The following ADAM28 variants were observed in gnomAD, a reference collection of about 807,000 sequenced individuals.
ADAM28 encodes the protein ADAM metallopeptidase domain 28.
In ADAM28, 105 loss-of-function variants were observed where a neutral mutation model predicts 101.2. The observed-to-expected ratio is 1.04, with a 90% CI of 0.89 to 1.22. The LOEUF (loss-of-function observed/expected upper bound fraction) is 1.22, where lower values mean the gene tolerates loss of function less well. Among genes scored for constraint, ADAM28 ranks in the 50% most tolerant of loss-of-function variants. The probability of loss-of-function intolerance (pLI) is 0.00; values close to 1 mark genes in which losing one functional copy is unlikely to be tolerated. For missense variants in ADAM28, 1,028 were observed against 945.4 expected (o/e 1.09, Z -1.15); for synonymous variants, 322 against 310.6 (o/e 1.04, Z -0.39).
intron 16 of ADAM28, 115 bp from the exon 17 acceptor site, chr8:24,342,986 C>T: frequency 2.4e-5 from 36 of 1,507,534 alleles, no homozygotes; most frequent in Non-Finnish European, 3.2e-5. Flanking sequence ...TCTTCTACAT[C>T]AGCCTCCTGG....
chr8:24,342,951 C>T, intron 16 of ADAM28, 150 bp from the exon 17 acceptor site: 1 of 1,378,280 alleles, frequency 7.3e-7, no homozygotes, highest in Middle Eastern at 1.9e-4. Flanking sequence ...ATAATGTAAG[C>T]AACAGAGCCC....
chr8:24,311,939 A>G (rs1228668241), intron 5 of ADAM28, among the ~76,000 whole-genome samples: 1 of 152,056 alleles, frequency 6.6e-6, no homozygotes. Context: ...GAATTTCACC[A>G]TATTGGCCAG....
In ADAM28 at chr8:24,357,350, A is replaced by G. The variant is rs1816749594; in HGVS notation, c.*2946A>G. On this transcript the variant is annotated 3_prime_UTR_variant, in exon 23 of 23. Transcript: ENST00000265769. ...ACATTTTCTATTAGTCTGTTTTCAC[A>G]TGGCTATAAAGAATACCACCTGAGA... The G allele has an allele frequency of 6.6e-6, 1 of 152,234 alleles. No homozygotes were observed. Among genetic ancestry groups the G allele is most frequent in the East Asian group, 1.9e-4 (1 of 5,196 alleles). The allele number at this position is 152,234 out of a possible 1,614,324, so 9.4% of individuals were successfully genotyped here. A position where few individuals can be genotyped will look rare whatever the true frequency, so the allele number is the denominator to read the frequency against.
At chr8:24,335,059 C>G (rs1352595773) in intron 13 of ADAM28, among the ~76,000 whole-genome samples, 4 of 152,142 alleles carry the variant, frequency 2.6e-5, no homozygotes, top group African/African-American at 9.7e-5. Flanking sequence ...ATCCAATTCA[C>G]CAGTAAATCT....
Position 24,326,471 on chromosome 8 carries a change from C to A in ADAM28, c.891-83C>A. On this transcript the variant is annotated intron_variant, in intron 9 of 22. Coordinates refer to ENST00000265769, the MANE Select transcript of ADAM28 (RefSeq NM_014265.6). ...GGTTCACAGTGAGTTTTTCTGCTAA[C>A]CATTTAGGGTTTTGGATGTATTGTC... The A allele has an allele frequency of 3.9e-6, 5 of 1,295,778 alleles. No homozygotes were observed. In the Middle Eastern group the frequency reaches 9.6e-4, roughly 248 times the overall value. 80.3% of individuals were successfully genotyped at this position (1,295,778 alleles called of 1,614,324 possible).
Position 24,343,160 on chromosome 8 carries a change from A to T in ADAM28, c.1890A>T (p.Ser630=). 2 of 1,613,880 alleles carry T rather than the reference A, an allele frequency of 1.2e-6. No individual in the cohort carries two copies. The highest frequency in any genetic ancestry group is 2.2e-5 in the South Asian group (2 of 91,078). ...IEKAYKSTNC[S]SKCKGHAVCD... is the part of the protein sequence containing the mutation. ...AAGCCTACAAATCAACCAATTGCTC[A>T]TCTAAGTGCAAAGGACATGCTGTAA... is the stretch of plus-strand genomic sequence containing the variant. The change falls in exon 17 of 23, where the codon TCA becomes TCT. Residue 630 remains serine, a synonymous_variant. Transcript: ENST00000265769.
chr8:24,342,159 T>TA (rs1300047768), intron 16 of ADAM28, among the ~76,000 whole-genome samples: 2 of 152,174 alleles, frequency 1.3e-5, no homozygotes, highest in Non-Finnish European at 2.9e-5. Flanking sequence ...ATATCATTAA[T>TA]AATATAATGA....
intron 2 of ADAM28, among the ~76,000 whole-genome samples, chr8:24,305,055 A>C (rs1809381700): frequency 6.6e-6 from 1 of 151,652 alleles, no homozygotes; most frequent in African/African-American, 2.4e-5. Context: ...TCTTTTCGAC[A>C]TAAATTATCA....
chr8:24,343,270 T>C, intron 17 of ADAM28, 89 bp downstream of exon 17: 1 of 1,466,376 alleles, frequency 6.8e-7, no homozygotes, highest in Non-Finnish European at 9.5e-7. Context: ...TATTTTCAGC[T>C]TTAAATGATG....
intron 7 of ADAM28, 112 bp from the exon 8 acceptor site, chr8:24,321,103 TAAC>T (rs1811814308): frequency 1.6e-6 from 1 of 626,562 alleles, no homozygotes; most frequent in Admixed American, 3.0e-5. Context: ...TTAAATCTAA[TAAC>T]TAATCTTTAA....
In ADAM28 at chr8:24,294,102, C is replaced by T; in HGVS notation, c.-48C>T. On this transcript the variant is annotated 5_prime_UTR_variant, in exon 1 of 23. Coordinates refer to ENST00000265769, the MANE Select transcript of ADAM28 (RefSeq NM_014265.6). Reference sequence around the variant, plus strand: ...GGAGGCAGGGACAGACCCAGCAGCACCCACCTGAGCGAGAAGAGCAGACAC... The same window carrying T: ...GGAGGCAGGGACAGACCCAGCAGCATCCACCTGAGCGAGAAGAGCAGACAC... 1 of 1,611,342 alleles carries T rather than the reference C, an allele frequency of 6.2e-7. No homozygotes were observed. The highest frequency in any genetic ancestry group is 1.1e-5 in the South Asian group (1 of 91,018).
At chr8:24,320,178 TA>T in intron 6 of ADAM28, 57 bp from the exon 7 acceptor site, 1 of 1,261,732 alleles carries the variant, frequency 7.9e-7, no homozygotes, top group Non-Finnish European at 1.1e-6. Flanking sequence ...TGTCAAATAA[TA>T]GAAGAACTTT....
chr8:24,306,714 A>G (rs924964540), intron 2 of ADAM28, among the ~76,000 whole-genome samples: 1 of 152,154 alleles, frequency 6.6e-6, no homozygotes, highest in African/African-American at 2.4e-5. Context: ...TTCTCTGTTT[A>G]TCTGAGATTC....
chr8:24,341,515 C>T, intron 15 of ADAM28, 83 bp from the exon 16 acceptor site: 1 of 1,375,892 alleles, frequency 7.3e-7, no homozygotes, highest in Non-Finnish European at 1.0e-6. Flanking sequence ...GGAAAAATAC[C>T]ATCAGTTAAA....
rs1816763814 is a variant in ADAM28, at chr8:24,357,590, T to C, written c.*3186T>C. 6.6e-6 allele frequency: 1 copy of C among 152,148 alleles called. No homozygotes were observed. Among genetic ancestry groups the C allele is most frequent in the Admixed American group, 6.5e-5 (1 of 15,270 alleles). The allele number at this position is 152,148 out of a possible 1,614,324, so 9.4% of individuals were successfully genotyped here. On this transcript the variant is annotated 3_prime_UTR_variant, in exon 23 of 23. Coordinates refer to ENST00000265769, the MANE Select transcript of ADAM28 (RefSeq NM_014265.6). ...AAAAGCATGGGGGAAACCACCCCCA[T>C]GATCCAATCACCTCCCACCTGGTCC...
At chr8:24,339,427 A>G (rs781128242) in intron 14 of ADAM28, 39 bp from the exon 15 acceptor site, 3 of 1,496,794 alleles carry the variant, frequency 2.0e-6, no homozygotes, top group African/African-American at 2.8e-5. Context: ...AATCTCAAAA[A>G]TCTATTTTCT....
chr8:24,325,227 A>G (rs572465154), intron 9 of ADAM28: 107 of 152,138 alleles, frequency 7.0e-4, no homozygotes, highest in African/African-American at 2.6e-3. Context: ...AGAAGCTTAA[A>G]AATAATAGAC....
At chr8:24,326,497 T>C in intron 9 of ADAM28, 57 bp from the exon 10 acceptor site, 2 of 1,512,162 alleles carry the variant, frequency 1.3e-6, no homozygotes, top group East Asian at 2.3e-5. Context: ...ATGTATTGTC[T>C]ATAAAAATAG....
chr8:24,323,484 CAT>C (rs1458483988), intron 8 of ADAM28, among the ~76,000 whole-genome samples: 2 of 151,890 alleles, frequency 1.3e-5, no homozygotes, highest in African/African-American at 4.8e-5. Context: ...CACTGAAAAA[CAT>C]ATAAGCAATT....
Sources: allele counts gnomAD v4.1 joint callset (sites outside exome capture counted in the v4.1 genomes callset), GRCh38; gene constraint gnomAD v4.1.1; transcripts MANE v1.5; gene names NCBI Gene and HGNC (gene_info 2026-07-23, HGNC 2026-07-21).